Variants in EPHA6 observed in about 807,000 individuals in gnomAD.
EPHA6 encodes EPH receptor A6, also known as ephrin type-A receptor 6.
A neutral mutation model predicts 112.0 loss-of-function variants in EPHA6; 50 were observed. That is an observed-to-expected ratio of 0.45 (90% CI 0.36 to 0.56). The LOEUF is 0.56. EPHA6 is among the 20% of genes least tolerant of loss of function. EPHA6 has a pLI of 0.00. For missense variants in EPHA6, 1,280 were observed against 1,417.4 expected (o/e 0.90, Z 1.56); for synonymous variants, 529 against 490.7 (o/e 1.08, Z -1.03).
intron 12 of EPHA6, among the ~76,000 whole-genome samples, chr3:97,597,767 A>AT (rs1013561372): frequency 5.9e-5 from 9 of 152,250 alleles, no homozygotes; most frequent in African/African-American, 2.2e-4. Flanking sequence ...AGTCAAAAAT[A>AT]TTTTTATTCA....
intron 12 of EPHA6, among the ~76,000 whole-genome samples, chr3:97,593,352 A>G (rs2107351853): frequency 6.6e-6 from 1 of 152,332 alleles, no homozygotes; most frequent in Non-Finnish European, 1.5e-5. Flanking sequence ...CAGGTTATCC[A>G]TGGCATGATT....
intron 2 of EPHA6, among the ~76,000 whole-genome samples, chr3:96,982,585 G>C (rs544221503): frequency 0.024 from 3,625 of 152,256 alleles, 151 homozygotes; most frequent in African/African-American, 0.083. Flanking sequence ...TTGGTGCAGA[G>C]CTGAGTTCAA....
At chr3:97,061,904 G>C (rs1191425574) in intron 3 of EPHA6, among the ~76,000 whole-genome samples, 11 of 152,108 alleles carry the variant, frequency 7.2e-5, no homozygotes, top group Non-Finnish European at 1.5e-4. Flanking sequence ...AATTTAGTTG[G>C]GGAGGTAGAT....
At chr3:97,659,832 T>C (rs919700953) in intron 14 of EPHA6, among the ~76,000 whole-genome samples, 8 of 152,038 alleles carry the variant, frequency 5.3e-5, no homozygotes, top group Non-Finnish European at 1.0e-4. Context: ...GATTATGCTT[T>C]AATATATATC....
chr3:97,586,329 A>G (rs2093487372), intron 11 of EPHA6, among the ~76,000 whole-genome samples: 2 of 152,308 alleles, frequency 1.3e-5, no homozygotes, highest in South Asian at 4.1e-4. Context: ...CGAAATAAAG[A>G]TCTCCATGGA....
At chr3:97,000,298 T>TATAGCCACAC (rs964559718) in intron 3 of EPHA6, among the ~76,000 whole-genome samples, 1 of 149,314 alleles carries the variant, frequency 6.7e-6, no homozygotes, top group Admixed American at 6.7e-5. Context: ...CACACATATA[T>TATAGCCACAC]ATAGCCATAT....
chr3:97,137,876 A>C (rs900481343), intron 3 of EPHA6, among the ~76,000 whole-genome samples: 3 of 152,196 alleles, frequency 2.0e-5, no homozygotes, highest in Non-Finnish European at 4.4e-5. Context: ...TAATTTTTAA[A>C]AATGTAGAAA....
intron 16 of EPHA6, among the ~76,000 whole-genome samples, chr3:97,740,734 A>G (rs1228675784): frequency 6.6e-6 from 1 of 152,186 alleles, no homozygotes; most frequent in African/African-American, 2.4e-5. Flanking sequence ...ATTATGCACC[A>G]ATACTGCTAT....
chr3:97,748,652 C>G lies in EPHA6; in HGVS notation c.3344C>G (p.Thr1115Ser). Reference sequence around the variant, plus strand: ...AGACGAATAGTCAGCAGCATACAGACTTTACGTTTACACATGATGCACATA... The same window carrying G: ...AGACGAATAGTCAGCAGCATACAGAGTTTACGTTTACACATGATGCACATA... The part of the protein sequence containing the change: ...HQRRIVSSIQ[T>S]LRLHMMHIQE... Residue 1115 changes from threonine to serine, a missense_variant, in exon 18 of 18, where the codon ACT becomes AGT. By Grantham distance (58) the Thr-to-Ser change is moderately conservative. Coordinates refer to ENST00000389672, the MANE Select transcript of EPHA6 (RefSeq NM_001080448.3). The G allele has an allele frequency of 6.2e-7, 1 of 1,612,326 alleles. No individual in the cohort carries two copies. Among genetic ancestry groups the G allele is most frequent in the Non-Finnish European group, 8.5e-7 (1 of 1,178,614 alleles).
At chr3:96,849,701 G>A (rs760577485) in intron 1 of EPHA6, among the ~76,000 whole-genome samples, 5 of 152,044 alleles carry the variant, frequency 3.3e-5, no homozygotes, top group Non-Finnish European at 7.4e-5. Context: ...GGGCTTTAAG[G>A]CCCAGCTGGC....
At chr3:97,623,363 C>T (rs970509253) in intron 13 of EPHA6, among the ~76,000 whole-genome samples, 2 of 151,700 alleles carry the variant, frequency 1.3e-5, no homozygotes, top group Admixed American at 1.3e-4. Context: ...AAAGACTGTA[C>T]TTTCCAAATT....
Position 96,927,079 on chromosome 3 carries a change from C to T in EPHA6, c.450+60190C>T, listed in dbSNP as rs534697157. The stretch of plus-strand genomic sequence containing the variant: ...TCTCTGAAATGCAGGCAGAGGTTCC[C>T]GAACCTTAATTCTTGACTTTTGTGC... On this transcript the variant is annotated intron_variant, in intron 2 of 17. Coordinates refer to ENST00000389672, the MANE Select transcript of EPHA6 (RefSeq NM_001080448.3). Among the ~76,000 whole-genome samples, 15 of 152,306 alleles carry T rather than the reference C, an allele frequency of 9.8e-5. No homozygotes were observed. The South Asian group carries it at 1.0e-3, about 11-fold the overall frequency.
intron 2 of EPHA6, among the ~76,000 whole-genome samples, chr3:96,881,306 T>C (rs1307646552): frequency 1.3e-5 from 2 of 152,218 alleles, no homozygotes; most frequent in Non-Finnish European, 2.9e-5. Flanking sequence ...AGGTTTATTG[T>C]AGTCAAAGTT....
chr3:97,333,656 C>T (rs1382208405), intron 5 of EPHA6, among the ~76,000 whole-genome samples: 9 of 151,264 alleles, frequency 5.9e-5, no homozygotes, highest in Admixed American at 6.6e-5. Context: ...TTAATATTTT[C>T]CTTTAGACAT....
intron 14 of EPHA6, among the ~76,000 whole-genome samples, chr3:97,647,038 G>T (rs954015423): frequency 6.6e-6 from 1 of 152,162 alleles, no homozygotes; most frequent in Admixed American, 6.5e-5. Context: ...TCTGTCCCAT[G>T]CAGTTCCTTC....
chr3:97,717,214 A>G (rs1006016454), intron 14 of EPHA6, among the ~76,000 whole-genome samples: 8 of 149,324 alleles, frequency 5.4e-5, no homozygotes, highest in Non-Finnish European at 8.9e-5. Flanking sequence ...CTGGGCAACA[A>G]GAGTGAAACT....
intron 10 of EPHA6, among the ~76,000 whole-genome samples, chr3:97,500,076 G>GT (rs1399613498): frequency 1.3e-5 from 2 of 151,858 alleles, no homozygotes; most frequent in Non-Finnish European, 2.9e-5. Flanking sequence ...GCTTTTTCCT[G>GT]TGTAAATTTT....
At chr3:97,594,172 G>A (rs932533612) in intron 12 of EPHA6, among the ~76,000 whole-genome samples, 1 of 152,186 alleles carries the variant, frequency 6.6e-6, no homozygotes, top group African/African-American at 2.4e-5. Context: ...AGTCAGATAT[G>A]TTTGGCAGAA....
intron 5 of EPHA6, among the ~76,000 whole-genome samples, chr3:97,300,629 T>C (rs1304870164): frequency 1.3e-5 from 2 of 152,118 alleles, no homozygotes; most frequent in African/African-American, 4.8e-5. Context: ...CAGTTCTAAA[T>C]ACCAGGAGAC....
Sources: gnomAD v4.1 joint callset for allele counts (sites outside exome capture counted in the v4.1 genomes callset) on GRCh38, gnomAD v4.1.1 for gene constraint, MANE v1.5 for transcripts, NCBI Gene and HGNC (gene_info 2026-07-23, HGNC 2026-07-21) for gene names.